The following SZT2 variants were observed in gnomAD, a reference collection of about 807,000 sequenced individuals.
SZT2 encodes SZT2 subunit of KICSTOR complex, also known as KICSTOR complex protein SZT2.
A neutral mutation model predicts 404.2 loss-of-function variants in SZT2; 216 were observed. The ratio of observed to expected loss-of-function variants is 0.53; its 90% confidence interval spans 0.48 to 0.60. The LOEUF is 0.60. Among genes scored for constraint, SZT2 ranks in the 20% least tolerant of loss-of-function variants. The pLI, the probability that SZT2 is intolerant of heterozygous loss-of-function variation, is 0.00. For missense variants in SZT2, 3,857 were observed against 4,459.2 expected (o/e 0.86, Z 3.85); for synonymous variants, 1,693 against 1,749.9 (o/e 0.97, Z 0.81).
rs1656748751 is a variant in SZT2, at chr1:43,453,836, G to A, written c.*3356G>A. 1.6e-6 allele frequency: 2 copies of A among 1,222,230 alleles called. No individual in the cohort carries two copies. Among genetic ancestry groups the A allele is most frequent in the East Asian group, 3.4e-5 (1 of 29,252 alleles). 75.7% of individuals were successfully genotyped at this position (1,222,230 alleles called of 1,614,324 possible). ...CGGGCGGAGTCCGCGGGATCCAAAG[G>A]CGGCGGGCGGCGGGCGGCGGGCGGC... On this transcript the variant is annotated 3_prime_UTR_variant, in exon 72 of 72. Coordinates refer to ENST00000634258, the MANE Select transcript of SZT2 (RefSeq NM_001365999.1).
rs373843299 is a variant in SZT2 at position 43,451,931 on chromosome 1, G to A, written c.*1451G>A. The A allele has an allele frequency of 5.5e-5, 89 of 1,612,224 alleles. No homozygotes were observed. The highest frequency in any genetic ancestry group is 9.3e-5 in the African/African-American group (7 of 74,872). On this transcript the variant is annotated 3_prime_UTR_variant, in exon 72 of 72. Transcript: ENST00000634258. Reference sequence around the variant, plus strand: ...CAGAAGGAGAGACAGGGCTGGGGTCGTACCCTGCTGGGGCGTGTCCAGGAA... The same window carrying A: ...CAGAAGGAGAGACAGGGCTGGGGTCATACCCTGCTGGGGCGTGTCCAGGAA...
In SZT2 at chr1:43,418,830, AG is replaced by A. The variant is rs199617161; in HGVS notation, c.880-902del. On this transcript the variant is annotated intron_variant, in intron 7 of 71. Coordinates refer to ENST00000634258, the MANE Select transcript of SZT2 (RefSeq NM_001365999.1). Reference sequence around the variant, plus strand: ...GGTTCAAGGCCTGGCAGTCTCAGTGAGGTCAAAGAGCAGCAGCAGGAGGAGG... The same window carrying A: ...GGTTCAAGGCCTGGCAGTCTCAGTGAGTCAAAGAGCAGCAGCAGGAGGAGG... Among the ~76,000 whole-genome samples, 1,074 of 152,330 alleles carry A rather than the reference AG, an allele frequency of 7.1e-3. 13 individuals are homozygous for A. The highest frequency in any genetic ancestry group is 0.024 in the African/African-American group (1,007 of 41,572).
intron 5 of SZT2, among the ~76,000 whole-genome samples, 172 bp from the exon 6 acceptor site, chr1:43,415,788 A>G (rs1651649065): frequency 2.6e-5 from 4 of 152,230 alleles, no homozygotes; most frequent in Admixed American, 2.6e-4. Flanking sequence ...GTATCTGAGC[A>G]CACACAGGGA....
chr1:43,429,582 T>C, intron 28 of SZT2, 121 bp from the exon 29 acceptor site: 1 of 1,253,082 alleles, frequency 8.0e-7, no homozygotes, highest in Non-Finnish European at 1.1e-6. Flanking sequence ...ACCCATGCCA[T>C]TACGCTAAGT....
In SZT2 at chr1:43,447,901, G is replaced by A. The variant is rs555953417; in HGVS notation, c.9493G>A (p.Val3165Met). The A allele has an allele frequency of 1.2e-6, 2 of 1,614,092 alleles. No homozygotes were observed. Among genetic ancestry groups the A allele is most frequent in the African/African-American group, 2.7e-5 (2 of 75,008 alleles). The stretch of plus-strand genomic sequence containing the variant: ...ACTTCGACACCAGGATGACTTTGAT[G>A]TGTCTCTGCTTGTCTGTCACTGTGC... ...EGLRHQDDFD[V>M]SLLVCHCAAP... Residue 3165 changes from valine (V) to methionine (M), a missense_variant, in exon 68 of 72, where the codon GTG becomes ATG. Val to Met is a conservative substitution (Grantham distance 21). This residue lies in a region of SZT2 where 717 missense variants were observed against 868.2 expected (regional missense o/e 0.83). Transcript: ENST00000634258.
At position 43,446,339 on chromosome 1, in the gene SZT2, C is replaced by A; in HGVS notation, c.8998-3C>A. 6.2e-7 allele frequency: 1 copy of A among 1,614,244 alleles called. No homozygotes were observed. Among genetic ancestry groups the A allele is most frequent in the Non-Finnish European group, 8.5e-7 (1 of 1,180,042 alleles). On this transcript the variant is annotated splice_polypyrimidine_tract_variant and splice_region_variant and intron_variant, in intron 64 of 71. Coordinates refer to ENST00000634258, the MANE Select transcript of SZT2 (RefSeq NM_001365999.1). ...CCTGATCTCATCTTCACCTTCCCTCCAGGGCTGTTACTTCTGTGTCAAACA... is the reference window on the plus strand; with the variant it reads ...CCTGATCTCATCTTCACCTTCCCTCAAGGGCTGTTACTTCTGTGTCAAACA...
intron 46 of SZT2, 67 bp from the exon 47 acceptor site, chr1:43,438,632 A>C: frequency 6.8e-7 from 1 of 1,460,134 alleles, no homozygotes; most frequent in Non-Finnish European, 9.5e-7. Context: ...TTGGCATGAT[A>C]GGGCTGCTAT....
chr1:43,440,082 A>G, intron 51 of SZT2, 34 bp downstream of exon 51: 1 of 1,612,712 alleles, frequency 6.2e-7, no homozygotes, highest in African/African-American at 1.3e-5. Flanking sequence ...GGGTCCAGAG[A>G]ATGTCACAGA....
At position 43,443,623 on chromosome 1, in the gene SZT2, T is replaced by G; in HGVS notation, c.8652T>G (p.Ser2884=). 6.2e-7 allele frequency: 1 copy of G among 1,614,220 alleles called. No homozygotes were observed. Among genetic ancestry groups the G allele is most frequent in the African/African-American group, 1.3e-5 (1 of 75,070 alleles). ...GQRRHRPESG[S]GSREAPTSCE... ...GGCGCCATCGCCCTGAGTCAGGGTC[T>G]GGGAGCCGAGAGGCCCCCACAAGCT... Residue 2884 remains serine (S), a synonymous_variant, in exon 62 of 72, where the codon TCT becomes TCG. Transcript: ENST00000634258.
chr1:43,405,640 A>T (rs1361212288), intron 4 of SZT2: 1 of 152,210 alleles, frequency 6.6e-6, no homozygotes, highest in African/African-American at 2.4e-5. Flanking sequence ...TACAGCAACA[A>T]AATTGGTGCA....
chr1:43,433,781 A>G (rs1654180368), intron 40 of SZT2, among the ~76,000 whole-genome samples: 1 of 152,248 alleles, frequency 6.6e-6, no homozygotes, highest in African/African-American at 2.4e-5. Flanking sequence ...ACTGTCTCAA[A>G]AAATAATAAG....
At chr1:43,444,804 C>T (rs1243876105) in intron 62 of SZT2, among the ~76,000 whole-genome samples, 1 of 152,190 alleles carries the variant, frequency 6.6e-6, no homozygotes, top group Non-Finnish European at 1.5e-5. Flanking sequence ...ATGAGCTGTT[C>T]ACCTTACACA....
chr1:43,441,851 T>A lies in SZT2; in HGVS notation c.7742+33T>A, dbSNP rs776329368. ...TAGATCCTATAGAATTGAAGGGAAC[T>A]CCCCTAGACTTCCTAAAAGCTGGGC... On this transcript the variant is annotated intron_variant, in intron 55 of 71. Coordinates refer to ENST00000634258, the MANE Select transcript of SZT2 (RefSeq NM_001365999.1). The surrounding 1 kb of genome is among the most constrained non-coding windows in gnomAD (Gnocchi z 4.8). 6.2e-7 allele frequency: 1 copy of A among 1,604,878 alleles called. No homozygotes were observed. The highest frequency in any genetic ancestry group is 8.5e-7 in the Non-Finnish European group (1 of 1,173,278).
Position 43,427,252 on chromosome 1 carries a change from A to C in SZT2, c.3434-29A>C, listed in dbSNP as rs754930735. 8 of 1,604,340 alleles carry C rather than the reference A, an allele frequency of 5.0e-6. No homozygotes were observed. In the Admixed American group the frequency reaches 1.4e-4, roughly 27 times the overall value. The stretch of plus-strand genomic sequence containing the variant: ...GAGCTCCCTCACTGGCCCACCAGGC[A>C]GCTCTGATTTATGTCTGATCCTCTT... On this transcript the variant is annotated intron_variant, in intron 24 of 71. Coordinates refer to ENST00000634258, the MANE Select transcript of SZT2 (RefSeq NM_001365999.1).
chr1:43,414,434 T>A lies in SZT2; in HGVS notation c.499-648T>A, dbSNP rs527874757. ...ACCCACAAAAATTTTTAAAAAAAAA[T>A]TTTTTTTTATACAGTCTCACTCTGT... On this transcript the variant is annotated intron_variant, in intron 4 of 71. Coordinates refer to ENST00000634258, the MANE Select transcript of SZT2 (RefSeq NM_001365999.1). 2.1e-4 allele frequency among the ~76,000 whole-genome samples: 32 copies of A among 151,480 alleles called. No individual in the cohort carries two copies. The East Asian group carries it at 2.3e-3, about 11-fold the overall frequency.
chr1:43,395,243 C>G (rs1252601944), intron 1 of SZT2, among the ~76,000 whole-genome samples: 2 of 152,214 alleles, frequency 1.3e-5, no homozygotes, highest in Non-Finnish European at 2.9e-5. Flanking sequence ...ATCACTTTCT[C>G]TTAAGGTATT....
intron 4 of SZT2, 149 bp from the exon 5 acceptor site, chr1:43,414,933 G>A (rs1439921734): frequency 2.1e-6 from 2 of 942,942 alleles, no homozygotes; most frequent in African/African-American, 1.7e-5. Flanking sequence ...GGATAAGGGG[G>A]AAATTGGCTG....
intron 62 of SZT2, 101 bp from the exon 63 acceptor site, chr1:43,445,793 C>T: frequency 8.4e-7 from 1 of 1,189,516 alleles, no homozygotes; most frequent in East Asian, 2.4e-5. Flanking sequence ...CTGTTTCCTC[C>T]CTTGCAAAAT....
chr1:43,452,517 C>A lies in SZT2; in HGVS notation c.*2037C>A. 1.5e-6 allele frequency: 1 copy of A among 674,184 alleles called. No homozygotes were observed. 41.8% of individuals were successfully genotyped at this position (674,184 alleles called of 1,614,324 possible). The stretch of plus-strand genomic sequence containing the variant: ...GGGGCAAGCCCTTTCCCAGACATCT[C>A]AGTGTCCACCCACCGCCTCCTGCCT... On this transcript the variant is annotated 3_prime_UTR_variant, in exon 72 of 72. Coordinates refer to ENST00000634258, the MANE Select transcript of SZT2 (RefSeq NM_001365999.1).
Sources: allele counts gnomAD v4.1 joint callset (sites outside exome capture counted in the v4.1 genomes callset), GRCh38; gene constraint gnomAD v4.1.1; regional missense constraint gnomAD v4.1.1; non-coding constraint Gnocchi (gnomAD v3.1); transcripts MANE v1.5; gene names NCBI Gene and HGNC (gene_info 2026-07-23, HGNC 2026-07-21).